The following HNF1B variants were observed in gnomAD, a reference collection of about 807,000 sequenced individuals.
The protein encoded by HNF1B is hepatocyte nuclear factor 1-beta.
In HNF1B, 8 loss-of-function variants were observed where a neutral mutation model predicts 61.7. That is an observed-to-expected ratio of 0.13 (90% CI 0.08 to 0.23). The LOEUF (loss-of-function observed/expected upper bound fraction) is 0.23, where lower values mean the gene tolerates loss of function less well. HNF1B is among the 10% of genes least tolerant of loss of function. The pLI is 1.00. For missense variants in HNF1B, 562 were observed against 714.5 expected (o/e 0.79, Z 2.43); for synonymous variants, 314 against 287.7 (o/e 1.09, Z -0.93).
intron 2 of HNF1B, among the ~76,000 whole-genome samples, chr17:37,734,812 G>C (rs1036652043): frequency 4.2e-5 from 6 of 144,136 alleles, no homozygotes; most frequent in African/African-American, 1.6e-4. Context: ...TTTTGAGACA[G>C]AGTTTGCCTC....
At chr17:37,741,292 T>C (rs1011652417) in intron 1 of HNF1B, among the ~76,000 whole-genome samples, 2 of 152,358 alleles carry the variant, frequency 1.3e-5, no homozygotes, top group Middle Eastern at 6.8e-3. Context: ...GTAGTTGTGA[T>C]TATTTTATTA....
intron 7 of HNF1B, among the ~76,000 whole-genome samples, chr17:37,699,688 C>T (rs1320288549): frequency 6.6e-6 from 1 of 152,188 alleles, no homozygotes; most frequent in African/African-American, 2.4e-5. Flanking sequence ...GTGGGGAGCA[C>T]ATCACCAGGC....
intron 3 of HNF1B, 34 bp downstream of exon 3, chr17:37,733,523 C>T (rs201093133): frequency 1.2e-6 from 2 of 1,613,846 alleles, no homozygotes; most frequent in Admixed American, 1.7e-5. Flanking sequence ...TGTGTACTTG[C>T]CCACCTGCCC....
At position 37,686,713 on chromosome 17, in the gene HNF1B, C is replaced by T. The variant is rs182736930; in HGVS notation, c.*659G>A. Reference sequence around the variant, plus strand: ...CCGCGGGAGAGGACAAGGGGCTTCACTTCCCACTTAGGATGTTTCTCCATG... The same window carrying T: ...CCGCGGGAGAGGACAAGGGGCTTCATTTCCCACTTAGGATGTTTCTCCATG... On this transcript the variant is annotated 3_prime_UTR_variant, in exon 9 of 9. Coordinates refer to ENST00000617811, the MANE Select transcript of HNF1B (RefSeq NM_000458.4). 296 of 172,902 alleles carry T rather than the reference C, an allele frequency of 1.7e-3. No homozygotes were observed. Among genetic ancestry groups the T allele is most frequent in the African/African-American group, 6.5e-3 (274 of 41,960 alleles). The allele number at this position is 172,902 out of a possible 1,614,324, so 10.7% of individuals were successfully genotyped here. A position where few individuals can be genotyped will look rare whatever the true frequency, so the allele number is the denominator to read the frequency against.
At chr17:37,726,655 C>G (rs1228132444) in intron 4 of HNF1B, among the ~76,000 whole-genome samples, 1 of 152,136 alleles carries the variant, frequency 6.6e-6, no homozygotes, top group Non-Finnish European at 1.5e-5. Flanking sequence ...GAGCGAGAGG[C>G]AGGAGGCAGG....
At chr17:37,695,900 G>A (rs577276421) in intron 8 of HNF1B, among the ~76,000 whole-genome samples, 3 of 152,208 alleles carry the variant, frequency 2.0e-5, no homozygotes, top group Admixed American at 6.5e-5. Context: ...TCTGGACTTT[G>A]AGTTAATGCT....
intron 2 of HNF1B, among the ~76,000 whole-genome samples, chr17:37,735,930 A>T (rs1002944365): frequency 9.2e-5 from 14 of 152,068 alleles, no homozygotes; most frequent in Non-Finnish European, 1.8e-4. Context: ...CTGACTAATT[A>T]AAAAAAATTA....
chr17:37,687,487 C>A, intron 8 of HNF1B, 95 bp from the exon 9 acceptor site: 1 of 940,578 alleles, frequency 1.1e-6, no homozygotes, highest in South Asian at 1.3e-5. Context: ...ATGCCCAACT[C>A]AACCAGCAAA....
chr17:37,730,210 C>G (rs1249662729), intron 4 of HNF1B: 1 of 152,874 alleles, frequency 6.5e-6, no homozygotes, highest in Admixed American at 6.5e-5. Context: ...AGCTTCAGCT[C>G]CGTGGATCGC....
Position 37,720,780 on chromosome 17 carries a change from A to G in HNF1B, c.1046-10117T>C, listed in dbSNP as rs1452290975. Reference sequence around the variant, plus strand: ...ACAGCCCACAATTCTGCCACTCAGAATACATACATACAGAGCAAGGTGTTC... The same window carrying G: ...ACAGCCCACAATTCTGCCACTCAGAGTACATACATACAGAGCAAGGTGTTC... On this transcript the variant is annotated intron_variant, in intron 4 of 8. Coordinates refer to ENST00000617811, the MANE Select transcript of HNF1B (RefSeq NM_000458.4). The G allele has an allele frequency of 5.1e-6, 5 of 984,604 alleles. No individual in the cohort carries two copies. In the East Asian group the frequency reaches 3.4e-4, roughly 67 times the overall value. The allele number at this position is 984,604 out of a possible 1,614,324, so 61.0% of individuals were successfully genotyped here.
At chr17:37,703,428 T>TATAA (rs1555822097) in intron 6 of HNF1B, among the ~76,000 whole-genome samples, 7 of 152,072 alleles carry the variant, frequency 4.6e-5, no homozygotes, top group African/African-American at 1.4e-4. Flanking sequence ...TATATATATA[T>TATAA]AACTGTATGG....
At chr17:37,700,944 T>C in intron 7 of HNF1B, 39 bp downstream of exon 7, 1 of 1,532,782 alleles carries the variant, frequency 6.5e-7, no homozygotes, top group Non-Finnish European at 8.8e-7. Flanking sequence ...CCACTGAGGG[T>C]CCTGAGTGCT....
At chr17:37,716,148 T>C (rs569326277) in intron 4 of HNF1B, among the ~76,000 whole-genome samples, 120 of 152,314 alleles carry the variant, frequency 7.9e-4, no homozygotes, top group African/African-American at 2.8e-3. Flanking sequence ...AGACTCCATC[T>C]CAAAACAAAC....
In HNF1B at chr17:37,701,062, G is replaced by T. The variant is rs1471170030; in HGVS notation, c.1455C>A (p.Pro485=). 2 of 1,555,096 alleles carry T rather than the reference G, an allele frequency of 1.3e-6. No homozygotes were observed. The highest frequency in any genetic ancestry group is 3.9e-5 in the Admixed American group (2 of 51,564). The part of the protein sequence containing the change: ...SQQLHSPHQQ[P]LMQQSPGSHM... ...GGCTGCCTGGGCTCTGCTGCATGAG[G>T]GGCTGCTGGTGAGGGCTGTGCAGCT... Residue 485 remains proline (P), a synonymous_variant, in exon 7 of 9, where the codon CCC becomes CCA. Transcript: ENST00000617811.
In HNF1B at chr17:37,731,670, G is replaced by C. The variant is rs1344962190; in HGVS notation, c.970C>G (p.His324Asp). The change falls in exon 4 of 9, where the codon CAC becomes GAC. Residue 324 changes from histidine to aspartate, a missense_variant. By Grantham distance (81) the His-to-Asp change is moderately conservative (BLOSUM62 -1). This residue lies in a region of HNF1B where 211 missense variants were observed against 200.7 expected (regional missense o/e 1.05). Coordinates refer to ENST00000617811, the MANE Select transcript of HNF1B (RefSeq NM_000458.4). The stretch of plus-strand genomic sequence containing the variant: ...TGGGAGAGCAGAGGGTTCAGGCTGT[G>C]AGTCTGGTTGGAGCTATAGGCGTCC... ...AMDAYSSNQTHSLNPLLSHGS... is the reference protein window; with the variant it reads ...AMDAYSSNQTDSLNPLLSHGS... The C allele has an allele frequency of 2.5e-6, 4 of 1,614,080 alleles. No individual in the cohort carries two copies. In the African/African-American group the frequency reaches 5.3e-5, roughly 22 times the overall value.
At chr17:37,718,820 A>C (rs1373914232) in intron 4 of HNF1B, among the ~76,000 whole-genome samples, 1 of 152,248 alleles carries the variant, frequency 6.6e-6, no homozygotes, top group Non-Finnish European at 1.5e-5. Flanking sequence ...TAAATGATGA[A>C]TGAATAACCT....
intron 1 of HNF1B, among the ~76,000 whole-genome samples, chr17:37,742,696 A>T (rs1487527228): frequency 6.6e-6 from 1 of 151,530 alleles, no homozygotes; most frequent in African/African-American, 2.4e-5. Context: ...GGCTTTGGGG[A>T]GGGAAGAGCG....
At chr17:37,714,320 C>A (rs763960254) in intron 4 of HNF1B, among the ~76,000 whole-genome samples, 1 of 152,236 alleles carries the variant, frequency 6.6e-6, no homozygotes, top group Non-Finnish European at 1.5e-5. Context: ...ATGTGCCAGG[C>A]ACTGTGTTAG....
At chr17:37,713,610 G>T (rs1425785426) in intron 4 of HNF1B, among the ~76,000 whole-genome samples, 1 of 152,224 alleles carries the variant, frequency 6.6e-6, no homozygotes, top group Non-Finnish European at 1.5e-5. Flanking sequence ...AGTGATAGAG[G>T]CTCGGCTGGA....
Sources: gnomAD v4.1 joint callset for allele counts (sites outside exome capture counted in the v4.1 genomes callset) on GRCh38, gnomAD v4.1.1 for gene constraint, gnomAD v4.1.1 regional missense constraint, MANE v1.5 for transcripts, NCBI Gene and HGNC (gene_info 2026-07-23, HGNC 2026-07-21) for gene names.